TBCCD1: variants seen among roughly 807,000 people sequenced by gnomAD.
TBCCD1 encodes the protein TBCC domain-containing protein 1.
Under a neutral mutation model 53.4 loss-of-function variants are expected in TBCCD1, and 26 were observed. The observed-to-expected ratio is 0.49, with a 90% CI of 0.36 to 0.68. TBCCD1 has a LOEUF of 0.68. Ranked by LOEUF, TBCCD1 falls within the 30% of genes least tolerant of loss-of-function variation. The probability of loss-of-function intolerance (pLI) is 0.00; values close to 1 mark genes in which losing one functional copy is unlikely to be tolerated. For synonymous variants in TBCCD1, 245 were observed against 241.7 expected (o/e 1.01, Z -0.13); for missense variants, 558 against 669.5 (o/e 0.83, Z 1.84).
intron 6 of TBCCD1, among the ~76,000 whole-genome samples, chr3:186,552,956 G>GT (rs1714422230): frequency 1.3e-5 from 2 of 152,190 alleles, no homozygotes; most frequent in Non-Finnish European, 2.9e-5. Context: ...AGAGAGCCTG[G>GT]TAAGTATGGT....
At position 186,554,583 on chromosome 3, in the gene TBCCD1, T is replaced by C. The variant is rs34930690; in HGVS notation, c.1215A>G (p.Pro405=). 5,300 of 1,614,154 alleles carry C rather than the reference T, an allele frequency of 3.3e-3. 15 individuals are homozygous for C. The highest frequency in any genetic ancestry group is 4.2e-3 in the Non-Finnish European group (4,938 of 1,180,026). The change falls in exon 6 of 8, where the codon CCA becomes CCG. Residue 405 remains proline, a synonymous_variant. Transcript: ENST00000338733. ...CIFHVLTPTR[P]LILSGNQTVT... ...CTGTCTGGTTCCCAGAGAGAATAAG[T>C]GGGCGTGTAGGCGTAAGAACGTGAA...
chr3:186,549,499 C>T (rs1261700116), intron 7 of TBCCD1, among the ~76,000 whole-genome samples: 1 of 152,044 alleles, frequency 6.6e-6, no homozygotes, highest in South Asian at 2.1e-4. Context: ...AAGTGAGACC[C>T]TGTCTCTAAA....
intron 2 of TBCCD1, among the ~76,000 whole-genome samples, chr3:186,560,821 C>G (rs931411630): frequency 1.3e-5 from 2 of 152,212 alleles, no homozygotes; most frequent in Non-Finnish European, 2.9e-5. Flanking sequence ...CAGAAACAAA[C>G]TCACACATAT....
Position 186,557,328 on chromosome 3 carries a change from C to T in TBCCD1, c.493-553G>A, listed in dbSNP as rs1714571445. Among the ~76,000 whole-genome samples the T allele has an allele frequency of 2.6e-5, 4 of 152,252 alleles. No individual in the cohort carries two copies. In the South Asian group the frequency reaches 8.3e-4, roughly 32 times the overall value. Reference sequence around the variant, plus strand: ...AGAAGTTAACTGACTTGCCTAAAATCGTATGACTAAATGATAATAAATGAT... The same window carrying T: ...AGAAGTTAACTGACTTGCCTAAAATTGTATGACTAAATGATAATAAATGAT... On this transcript the variant is annotated intron_variant, in intron 3 of 7. Transcript: ENST00000338733.
chr3:186,564,063 C>G lies in TBCCD1; in HGVS notation c.267G>C (p.Glu89Asp). The G allele has an allele frequency of 6.2e-7, 1 of 1,614,188 alleles. No homozygotes were observed. Among genetic ancestry groups the G allele is most frequent in the Non-Finnish European group, 8.5e-7 (1 of 1,180,042 alleles). ...ACAGAACCTCAGACCATTCCAGGCGCTCCTCAGGTGTCTTCATTGAAAGAC... is the reference window on the plus strand; with the variant it reads ...ACAGAACCTCAGACCATTCCAGGCGGTCCTCAGGTGTCTTCATTGAAAGAC... ...FDSLSMKTPE[E>D]RLEWSEVLSN... is the part of the protein sequence containing the mutation. The change falls in exon 2 of 8, where the codon GAG (glutamate) becomes GAC (aspartate). Residue 89 changes from glutamate (E) to aspartate (D), a missense_variant. Glu to Asp is a conservative substitution (Grantham distance 45). Transcript: ENST00000338733.
Position 186,563,982 on chromosome 3 carries a change from A to G in TBCCD1, c.336+12T>C. On this transcript the variant is annotated intron_variant, in intron 2 of 7. Coordinates refer to ENST00000338733, the MANE Select transcript of TBCCD1 (RefSeq NM_018138.5). ...CAAAAGTAATTAAGTATACACACAT[A>G]TCAATCCGTACCTGATTTCTCTGCT... The G allele has an allele frequency of 6.3e-7, 1 of 1,590,326 alleles. No individual in the cohort carries two copies. Among genetic ancestry groups the G allele is most frequent in the African/African-American group, 1.3e-5 (1 of 74,226 alleles).
chr3:186,551,181 G>A lies in TBCCD1; in HGVS notation c.1643C>T (p.Pro548Leu). The A allele has an allele frequency of 3.1e-6, 5 of 1,612,194 alleles. No homozygotes were observed. Among genetic ancestry groups the A allele is most frequent in the Non-Finnish European group, 4.2e-6 (5 of 1,179,856 alleles). Reference protein sequence around the residue: ...HRQQLDSLVPPAAGSKQAAG With the variant: ...HRQQLDSLVPLAAGSKQAAG Reference sequence around the variant, plus strand: ...AGCTGCTTGTTTGGAGCCTGCTGCAGGGGGTACAAGGCTGTCCAGCTGTTG... The same window carrying A: ...AGCTGCTTGTTTGGAGCCTGCTGCAAGGGGTACAAGGCTGTCCAGCTGTTG... The change falls in exon 7 of 8, where the codon CCT becomes CTT. Residue 548 changes from proline (P) to leucine (L), a missense_variant. Physicochemically the swap from Pro to Leu is moderately conservative, Grantham distance 98. Transcript: ENST00000338733.
chr3:186,568,740 A>C (rs969231387), upstream of TBCCD1, among the ~76,000 whole-genome samples: 5 of 152,134 alleles, frequency 3.3e-5, no homozygotes, highest in Middle Eastern at 0.01. Flanking sequence ...GTCTCTACTA[A>C]AAATACAAAA....
chr3:186,561,783 C>T (rs1354836415), intron 2 of TBCCD1, among the ~76,000 whole-genome samples: 5 of 149,052 alleles, frequency 3.4e-5, no homozygotes, highest in East Asian at 2.0e-4. Flanking sequence ...AGCGAGACTC[C>T]GTCTCAAAAA....
chr3:186,559,403 G>C (rs1311857191), intron 2 of TBCCD1, among the ~76,000 whole-genome samples: 1 of 152,134 alleles, frequency 6.6e-6, no homozygotes, highest in Non-Finnish European at 1.5e-5. Flanking sequence ...AATTCTTAAA[G>C]GGGTGTTTCA....
chr3:186,555,999 G>A (rs80091437), intron 4 of TBCCD1, among the ~76,000 whole-genome samples: 3,229 of 152,022 alleles, frequency 0.021, 114 homozygotes, highest in African/African-American at 0.074. Context: ...TTCTCAGACT[G>A]TACCTCCCTG....
upstream of TBCCD1, chr3:186,570,434 T>A (rs906080773): frequency 4.2e-6 from 2 of 479,008 alleles, no homozygotes; most frequent in African/African-American, 4.0e-5. Context: ...AGGGATTTCG[T>A]GTACCTCAGG....
chr3:186,558,801 T>G (rs1468201521), intron 2 of TBCCD1, among the ~76,000 whole-genome samples: 3 of 152,150 alleles, frequency 2.0e-5, no homozygotes, highest in Non-Finnish European at 2.9e-5. Flanking sequence ...AGTGCAATGA[T>G]GCGATCTCAG....
rs781078617 is a variant in TBCCD1, at chr3:186,556,687, G to A, written c.581C>T (p.Ala194Val). ...ACTACTATGGGTTGAATGAAATGAT[G>A]CAGTGAGTTGTTTTGGATCTAAAAG... ...ELLLDPKQLT[A>V]SFHSTHSSLV... The change falls in exon 4 of 8, where the codon GCA (alanine) becomes GTA (valine). Residue 194 changes from alanine to valine, a missense_variant. Ala to Val is a moderately conservative substitution (Grantham distance 64). Coordinates refer to ENST00000338733, the MANE Select transcript of TBCCD1 (RefSeq NM_018138.5). The A allele has an allele frequency of 6.2e-7, 1 of 1,614,200 alleles. No homozygotes were observed. Among genetic ancestry groups the A allele is most frequent in the Admixed American group, 1.7e-5 (1 of 60,030 alleles).
intron 1 of TBCCD1, 86 bp from the exon 2 acceptor site, chr3:186,564,458 CTGTGTCATA>C: frequency 2.4e-6 from 2 of 842,174 alleles, no homozygotes; most frequent in South Asian, 3.7e-5. Context: ...TCTCTCTCAA[CTGTGTCATA>C]TGTACTACAT....
At chr3:186,565,557 T>C (rs930938024) in intron 1 of TBCCD1, among the ~76,000 whole-genome samples, 1 of 152,236 alleles carries the variant, frequency 6.6e-6, no homozygotes, top group Non-Finnish European at 1.5e-5. Context: ...CTCCCATTTT[T>C]AGACACCTTA....
intron 6 of TBCCD1, 124 bp downstream of exon 6, chr3:186,554,130 G>A (rs1714454380): frequency 2.2e-6 from 3 of 1,379,222 alleles, no homozygotes; most frequent in Non-Finnish European, 3.0e-6. Flanking sequence ...TTATAGGCGT[G>A]AGCCACCGCG....
intron 7 of TBCCD1, among the ~76,000 whole-genome samples, chr3:186,548,387 C>T (rs1714273597): frequency 6.6e-6 from 1 of 152,066 alleles, no homozygotes; most frequent in African/African-American, 2.4e-5. Flanking sequence ...AAGGAGTGGC[C>T]TACAATGTGT....
At chr3:186,555,196 G>A in intron 4 of TBCCD1, 112 bp from the exon 5 acceptor site, 1 of 997,508 alleles carries the variant, frequency 1.0e-6, no homozygotes, top group Non-Finnish European at 1.4e-6. Context: ...GATACCACAT[G>A]TAGGGACAAA....
Sources: gnomAD v4.1 joint callset for allele counts (sites outside exome capture counted in the v4.1 genomes callset) on GRCh38, gnomAD v4.1.1 for gene constraint, MANE v1.5 for transcripts, NCBI Gene and HGNC (gene_info 2026-07-23, HGNC 2026-07-21) for gene names.